OSBPL2: variants seen among roughly 807,000 people sequenced by gnomAD.
OSBPL2 encodes oxysterol binding protein like 2, also known as oxysterol-binding protein-related protein 2.
A neutral mutation model predicts 58.4 loss-of-function variants in OSBPL2; 18 were observed. That is an observed-to-expected ratio of 0.31 (90% confidence interval 0.21 to 0.46). The LOEUF (loss-of-function observed/expected upper bound fraction) is 0.46. Ranked by LOEUF, OSBPL2 falls within the 20% of genes least tolerant of loss-of-function variation. OSBPL2 has a pLI of 1.00. For synonymous variants in OSBPL2, 221 were observed against 234.1 expected (o/e 0.94, Z 0.51); for missense variants, 461 against 616.5 (o/e 0.75, Z 2.67).
In OSBPL2 at chr20:62,288,148, G is replaced by T. The variant is rs1420189046; in HGVS notation, c.1126-1059G>T. On this transcript the variant is annotated intron_variant, in intron 11 of 13. Coordinates refer to ENST00000313733, the MANE Select transcript of OSBPL2 (RefSeq NM_144498.4). This position sits in a 1 kb window ranked among gnomAD's most constrained non-coding sequence, Gnocchi z 4.8. ...GGCCATGGGGATGAGGGTGGAGGGGGTGCAGGGGTCTCCAGACGACTTCAG... is the reference window on the plus strand; with the variant it reads ...GGCCATGGGGATGAGGGTGGAGGGGTTGCAGGGGTCTCCAGACGACTTCAG... Among the ~76,000 whole-genome samples the T allele has an allele frequency of 6.6e-6, 1 of 152,194 alleles. No homozygotes were observed.
chr20:62,279,848 G>A (rs1982664980), intron 7 of OSBPL2: 1 of 647,974 alleles, frequency 1.5e-6, no homozygotes, highest in Non-Finnish European at 1.9e-6. Context: ...GGAGAGAGCT[G>A]AGAAGGAAGC....
At chr20:62,251,865 CTTTTTTTTTTTTTTTTT>C (rs147891445) in intron 1 of OSBPL2, among the ~76,000 whole-genome samples, 4 of 41,738 alleles carry the variant, frequency 9.6e-5, no homozygotes, top group East Asian at 7.1e-4. Flanking sequence ...ATTGGTATGC[CTTTTTTTTTTTTTTTTT>C]TTTTTTTTTT....
In OSBPL2 at chr20:62,289,254, A is replaced by C; in HGVS notation, c.1173A>C (p.Thr391=). Reference sequence around the variant, plus strand: ...CTGTGAGCCTCAACGAGCTGGAGACAGGCATGGAGAAGACCCTGCCACCCA... The same window carrying C: ...CTGTGAGCCTCAACGAGCTGGAGACCGGCATGGAGAAGACCCTGCCACCCA... The part of the protein sequence containing the change: ...SFTVSLNELE[T]GMEKTLPPTD... Residue 391 remains threonine (T), a synonymous_variant, in exon 12 of 14, where the codon ACA becomes ACC. Transcript: ENST00000313733. 6.2e-7 allele frequency: 1 copy of C among 1,613,810 alleles called. No homozygotes were observed. The highest frequency in any genetic ancestry group is 8.5e-7 in the Non-Finnish European group (1 of 1,179,832).
intron 4 of OSBPL2, among the ~76,000 whole-genome samples, chr20:62,270,237 C>A (rs1233927737): frequency 6.6e-6 from 1 of 152,170 alleles, no homozygotes; most frequent in African/African-American, 2.4e-5. Flanking sequence ...ATGTGTGTGT[C>A]AGCTGGGAAC....
intron 9 of OSBPL2, among the ~76,000 whole-genome samples, chr20:62,282,862 A>C (rs1331166615): frequency 6.6e-6 from 1 of 152,160 alleles, no homozygotes; most frequent in African/African-American, 2.4e-5. Flanking sequence ...TGCTCTGTCC[A>C]CCCTCTATGG....
intron 11 of OSBPL2, 38 bp from the exon 12 acceptor site, chr20:62,289,169 G>T (rs776971516): frequency 6.2e-7 from 1 of 1,610,942 alleles, no homozygotes; most frequent in Non-Finnish European, 8.5e-7. Context: ...TGGTTCAGAG[G>T]CCCTGCTGAG....
rs893964173 is a variant in OSBPL2 at position 62,265,096 on chromosome 20, T to C, written c.258+1405T>C. ...TGTTTTAGGGAAGACACTTGGATTC[T>C]GCTTGCCAATTGTAGCATCCATTGG... On this transcript the variant is annotated intron_variant, in intron 4 of 13. Transcript: ENST00000313733. Among the ~76,000 whole-genome samples the C allele has an allele frequency of 3.3e-5, 5 of 152,338 alleles. No individual in the cohort carries two copies. In the East Asian group the frequency reaches 9.6e-4, roughly 29 times the overall value.
intron 5 of OSBPL2, 152 bp from the exon 6 acceptor site, chr20:62,273,157 A>G: frequency 1.6e-6 from 1 of 627,138 alleles, no homozygotes; most frequent in Non-Finnish European, 2.8e-6. Flanking sequence ...GAAGTCCTAT[A>G]ATCTCAGACA....
intron 6 of OSBPL2, chr20:62,278,140 A>G (rs1214541293): frequency 3.1e-5 from 5 of 163,620 alleles, no homozygotes; most frequent in Non-Finnish European, 5.4e-5. Context: ...CTCCTGCACC[A>G]TTGCGCTCTC....
chr20:62,272,231 G>A lies in OSBPL2; in HGVS notation c.365G>A (p.Cys122Tyr), dbSNP rs1431602383. Reference protein sequence around the residue: ...EHVYLIHRASCQPQPLERMQS... With the variant: ...EHVYLIHRASYQPQPLERMQS... ...GTGTACCTCATCCACAGGGCCTCCT[G>A]CCAGCCCCAGCCCCTGGAGAGGATG... Residue 122 changes from cysteine (C) to tyrosine (Y), a missense_variant, in exon 5 of 14, where the codon TGC (cysteine) becomes TAC (tyrosine). This residue lies in a region of OSBPL2 where 20 missense variants were observed against 17.1 expected (regional missense o/e 1.17). Transcript: ENST00000313733. 1.2e-6 allele frequency: 2 copies of A among 1,613,752 alleles called. No individual in the cohort carries two copies. The highest frequency in any genetic ancestry group is 4.5e-5 in the East Asian group (2 of 44,886).
At chr20:62,287,345 CAG>C (rs1983203576) in intron 11 of OSBPL2, among the ~76,000 whole-genome samples, 1 of 152,148 alleles carries the variant, frequency 6.6e-6, no homozygotes, top group South Asian at 2.1e-4. Context: ...GTCCCATAAA[CAG>C]AGCAGAACAT....
At position 62,258,440 on chromosome 20, in the gene OSBPL2, G is replaced by A. The variant is rs1601162655; in HGVS notation, c.38-1541G>A. Among the ~76,000 whole-genome samples, 4 of 152,314 alleles carry A rather than the reference G, an allele frequency of 2.6e-5. No homozygotes were observed. In the East Asian group the frequency reaches 7.7e-4, roughly 29 times the overall value. On this transcript the variant is annotated intron_variant, in intron 2 of 13. Transcript: ENST00000313733. The stretch of plus-strand genomic sequence containing the variant: ...GTCTTAAGAATCAGTGCCATTCAAA[G>A]GAAAGGTTTGGAGGACATGAACAGT...
In OSBPL2 at chr20:62,257,701, G is replaced by A. The variant is rs181433190; in HGVS notation, c.37+1480G>A. The stretch of plus-strand genomic sequence containing the variant: ...GTCTTGGTGTGACTGATACTTTCCC[G>A]AATACCTCTGGCCATTTTTTTTTTT... On this transcript the variant is annotated intron_variant, in intron 2 of 13. Coordinates refer to ENST00000313733, the MANE Select transcript of OSBPL2 (RefSeq NM_144498.4). Among the ~76,000 whole-genome samples, 232 of 151,142 alleles carry A rather than the reference G, an allele frequency of 1.5e-3. 9 individuals are homozygous for A. Among genetic ancestry groups the A allele is most frequent in the Admixed American group, 0.015 (227 of 15,144 alleles).
chr20:62,253,885 G>A (rs1400182866), intron 1 of OSBPL2, among the ~76,000 whole-genome samples: 4 of 152,024 alleles, frequency 2.6e-5, no homozygotes, highest in African/African-American at 7.3e-5. Flanking sequence ...TCTGCCTCCC[G>A]GGTTCAAGCG....
chr20:62,253,783 T>TTTTA (rs57972667), intron 1 of OSBPL2, among the ~76,000 whole-genome samples: 2,076 of 145,120 alleles, frequency 0.014, 55 homozygotes, highest in African/African-American at 0.052. Context: ...AAACTCGCCC[T>TTTTA]TTTATTTATT....
rs1409001822 is a variant in OSBPL2, at chr20:62,263,692, G to T, written c.258+1G>T. The T allele has an allele frequency of 6.2e-7, 1 of 1,613,740 alleles. No individual in the cohort carries two copies. ...CATCCTGAAGAAGTGTGTTGGCCTG[G>T]TGAGTCCGGGGGCCCGTGTTCACAC... On this transcript the variant is annotated splice_donor_variant, in intron 4 of 13. Transcript: ENST00000313733. LOFTEE classifies it high-confidence loss of function.
chr20:62,258,596 T>C (rs1476477413), intron 2 of OSBPL2, among the ~76,000 whole-genome samples: 2 of 152,150 alleles, frequency 1.3e-5, no homozygotes, highest in Non-Finnish European at 2.9e-5. Context: ...AATAAATGCA[T>C]GTGGTGTCTT....
In OSBPL2 at chr20:62,271,474, C is replaced by T. The variant is rs369665211; in HGVS notation, c.259-651C>T. ...CTACTCTGTTTTTTTGTTTTTGAGA[C>T]GGAGTCTGGCTCTGTCTCCCAGGCT... On this transcript the variant is annotated intron_variant, in intron 4 of 13. Coordinates refer to ENST00000313733, the MANE Select transcript of OSBPL2 (RefSeq NM_144498.4). 5.9e-5 allele frequency among the ~76,000 whole-genome samples: 9 copies of T among 151,952 alleles called. No individual in the cohort carries two copies. In the South Asian group the frequency reaches 8.3e-4, roughly 14 times the overall value.
rs1227885412 is a variant in OSBPL2, at chr20:62,256,093, T to C, written c.-92T>C. 6 of 1,475,594 alleles carry C rather than the reference T, an allele frequency of 4.1e-6. No homozygotes were observed. Among genetic ancestry groups the C allele is most frequent in the Non-Finnish European group, 5.5e-6 (6 of 1,081,788 alleles). The allele number at this position is 1,475,594 out of a possible 1,614,324, so 91.4% of individuals were successfully genotyped here. ...CTATTGGATTTTTCCAAGAGAAAGT[T>C]TGTAAAATTCCTTACACTGTAGATG... On this transcript the variant is annotated 5_prime_UTR_variant, in exon 2 of 14. Transcript: ENST00000313733.
Sources: gnomAD v4.1 joint callset for allele counts (sites outside exome capture counted in the v4.1 genomes callset) on GRCh38, gnomAD v4.1.1 for gene constraint, gnomAD v4.1.1 regional missense constraint, Gnocchi (gnomAD v3.1) non-coding constraint, MANE v1.5 for transcripts, NCBI Gene and HGNC (gene_info 2026-07-23, HGNC 2026-07-21) for gene names.